TBCK: variants seen among roughly 807,000 people sequenced by gnomAD.
TBCK encodes TBC domain-containing protein kinase-like protein.
Under a neutral mutation model 113.4 loss-of-function variants are expected in TBCK, and 99 were observed. The ratio of observed to expected loss-of-function variants is 0.87; its 90% confidence interval spans 0.74 to 1.03. TBCK has a LOEUF of 1.03. TBCK is among the 50% of genes least tolerant of loss of function. The probability of loss-of-function intolerance (pLI) is 0.00; values close to 1 mark genes in which losing one functional copy is unlikely to be tolerated. For missense variants in TBCK, 1,045 were observed against 1,061.3 expected, an observed-to-expected ratio of 0.98 and a Z score of 0.21; for synonymous variants, 369 against 370.8, an observed-to-expected ratio of 1.00 and a Z score of 0.05.
At chr4:106,160,559 T>C (rs995379427) in intron 23 of TBCK, among the ~76,000 whole-genome samples, 1 of 151,514 alleles carries the variant, frequency 6.6e-6, no homozygotes, top group African/African-American at 2.4e-5. Flanking sequence ...GAGATTCCAC[T>C]GCACATTTAT....
At chr4:106,065,080 G>A (rs567946056) in intron 25 of TBCK, among the ~76,000 whole-genome samples, 1 of 151,964 alleles carries the variant, frequency 6.6e-6, no homozygotes, top group South Asian at 2.1e-4. Context: ...TTTCCACTAG[G>A]TAACATTTGA....
intron 23 of TBCK, among the ~76,000 whole-genome samples, chr4:106,156,849 C>T (rs927463154): frequency 6.6e-6 from 1 of 152,156 alleles, no homozygotes; most frequent in African/African-American, 2.4e-5. Context: ...CTGCTTGGTA[C>T]TCTACTTCCC....
chr4:106,107,748 C>T (rs558390341), intron 24 of TBCK, among the ~76,000 whole-genome samples: 7 of 152,138 alleles, frequency 4.6e-5, no homozygotes, highest in Admixed American at 6.5e-5. Flanking sequence ...AACAAAACAA[C>T]CTCAAAGCTA....
intron 22 of TBCK, among the ~76,000 whole-genome samples, chr4:106,185,943 T>G (rs532572013): frequency 1.6e-4 from 25 of 152,216 alleles, no homozygotes; most frequent in African/African-American, 6.0e-4. Context: ...CCATGTGCAC[T>G]CAATGTTTAG....
intron 2 of TBCK, among the ~76,000 whole-genome samples, chr4:106,295,721 C>T (rs1446171671): frequency 1.3e-5 from 2 of 152,276 alleles, no homozygotes; most frequent in Non-Finnish European, 2.9e-5. Flanking sequence ...GGTCAAAAAT[C>T]ACCTATAACT....
chr4:106,076,465 G>T (rs1482811687), intron 25 of TBCK, among the ~76,000 whole-genome samples: 1 of 152,084 alleles, frequency 6.6e-6, no homozygotes, highest in African/African-American at 2.4e-5. Context: ...AAATAATATA[G>T]ACACTATGGC....
chr4:106,278,753 AG>A (rs1452568304), intron 3 of TBCK, among the ~76,000 whole-genome samples: 7 of 152,034 alleles, frequency 4.6e-5, no homozygotes, highest in African/African-American at 1.7e-4. Context: ...AAAAGATGAG[AG>A]GAGTAAATAG....
Position 106,244,646 on chromosome 4 carries a change from T to C in TBCK, c.1050A>G (p.Pro350=). The change falls in exon 11 of 26, where the codon CCA becomes CCG. Residue 350 remains proline (P), a synonymous_variant. Transcript: ENST00000394708. ...CTTACTTGGGGAGTGTGCAGATAGGTGGTTTGGATCGAATGATTTCCTTGT... is the reference window on the plus strand; with the variant it reads ...CTTACTTGGGGAGTGTGCAGATAGGCGGTTTGGATCGAATGATTTCCTTGT... ...LVNKEIIRSK[P]PICTLPNFLF... 1 of 1,607,842 alleles carries C rather than the reference T, an allele frequency of 6.2e-7. No homozygotes were observed. Among genetic ancestry groups the C allele is most frequent in the East Asian group, 2.2e-5 (1 of 44,588 alleles).
chr4:106,289,935 T>G (rs1352983970), intron 3 of TBCK, among the ~76,000 whole-genome samples: 1 of 152,160 alleles, frequency 6.6e-6, no homozygotes, highest in Non-Finnish European at 1.5e-5. Context: ...CAAGGATGCC[T>G]AACTAGTTAG....
At chr4:106,190,028 G>GT (rs1027445026) in intron 22 of TBCK, among the ~76,000 whole-genome samples, 6 of 152,010 alleles carry the variant, frequency 3.9e-5, no homozygotes, top group African/African-American at 1.4e-4. Context: ...CTAACTCCCT[G>GT]TTTTAAACTC....
At chr4:106,228,569 G>A (rs747449510) in intron 19 of TBCK, among the ~76,000 whole-genome samples, 14 of 151,646 alleles carry the variant, frequency 9.2e-5, no homozygotes, top group African/African-American at 1.7e-4. Context: ...TGAAAATGAC[G>A]GGATCCCATT....
chr4:106,236,888 A>G (rs1231950913), intron 12 of TBCK, 80 bp from the exon 13 acceptor site: 4 of 702,078 alleles, frequency 5.7e-6, no homozygotes, highest in Non-Finnish European at 8.7e-6. Context: ...GACAAGTAAT[A>G]TAACAACTAT....
At chr4:106,132,721 G>A (rs900747472) in intron 23 of TBCK, among the ~76,000 whole-genome samples, 1 of 152,234 alleles carries the variant, frequency 6.6e-6, no homozygotes, top group African/African-American at 2.4e-5. Context: ...AATGCCAGAG[G>A]GGCAGAGCTG....
chr4:106,095,082 C>T (rs1371044336), intron 25 of TBCK, among the ~76,000 whole-genome samples: 1 of 152,168 alleles, frequency 6.6e-6, no homozygotes, highest in African/African-American at 2.4e-5. Context: ...TCCCTGAATT[C>T]TCTATCATTA....
intron 25 of TBCK, among the ~76,000 whole-genome samples, chr4:106,063,711 G>C (rs1184588648): frequency 6.6e-6 from 1 of 151,728 alleles, no homozygotes; most frequent in African/African-American, 2.4e-5. Context: ...AGGGCCTTTG[G>C]GGGTGATGAG....
intron 1 of TBCK, among the ~76,000 whole-genome samples, chr4:106,313,225 T>C (rs1203721289): frequency 6.6e-6 from 1 of 152,162 alleles, no homozygotes; most frequent in Admixed American, 6.5e-5. Flanking sequence ...GAGACTGGCA[T>C]TCTCATCAGC....
intron 5 of TBCK, among the ~76,000 whole-genome samples, chr4:106,258,811 C>T (rs1762239006): frequency 6.6e-6 from 1 of 151,898 alleles, no homozygotes; most frequent in South Asian, 2.1e-4. Flanking sequence ...GAGCTAGAGC[C>T]TCACTAAAAA....
chr4:106,042,669 T>C lies in TBCK; in HGVS notation c.*3901A>G, dbSNP rs1396686087. The C allele has an allele frequency of 6.6e-6, 1 of 152,176 alleles. No individual in the cohort carries two copies. Among genetic ancestry groups the C allele is most frequent in the African/African-American group, 2.4e-5 (1 of 41,442 alleles). The allele number at this position is 152,176 out of a possible 1,614,324, so 9.4% of individuals were successfully genotyped here. A position where few individuals can be genotyped will look rare whatever the true frequency, so the allele number is the denominator to read the frequency against. ...GCTATAGAATCCTTTTGATACTAAT[T>C]CCCAAAGGAATATTTTTTGGTAACT... is the stretch of plus-strand genomic sequence containing the variant. On this transcript the variant is annotated 3_prime_UTR_variant, in exon 26 of 26. Transcript: ENST00000394708.
intron 23 of TBCK, among the ~76,000 whole-genome samples, chr4:106,119,893 A>C (rs1578955285): frequency 6.6e-6 from 1 of 152,184 alleles, no homozygotes; most frequent in African/African-American, 2.4e-5. Context: ...CAAAAGGTAC[A>C]TGGAAAAAAA....
Sources: allele counts gnomAD v4.1 joint callset (sites outside exome capture counted in the v4.1 genomes callset), GRCh38; gene constraint gnomAD v4.1.1; transcripts MANE v1.5; gene names NCBI Gene and HGNC (gene_info 2026-07-23, HGNC 2026-07-21).